Variants in HEPH observed in about 807,000 individuals in gnomAD.
HEPH encodes the protein hephaestin.
Under a neutral mutation model 80.8 loss-of-function variants are expected in HEPH, and 69 were observed. That is an observed-to-expected ratio of 0.85 (90% confidence interval 0.70 to 1.04). HEPH has a LOEUF of 1.04. Ranked by LOEUF, HEPH falls within the 50% of genes least tolerant of loss-of-function variation. HEPH has a pLI of 0.00. For synonymous variants in HEPH, 431 were observed against 322.8 expected, an observed-to-expected ratio of 1.34 and a Z score of -3.60; for missense variants, 1,115 against 891.3, an observed-to-expected ratio of 1.25 and a Z score of -3.20.
chrX:66,254,283 G>C (rs755981385), intron 15 of HEPH, among the ~76,000 whole-genome samples: 2 of 111,024 alleles, frequency 1.8e-5, no homozygotes, highest in African/African-American at 3.3e-5. Flanking sequence ...CTAAAATATA[G>C]GGTAGAGGTA....
At chrX:66,186,209 CTTG>C (rs2087421601) in intron 4 of HEPH, among the ~76,000 whole-genome samples, 3 of 99,615 alleles carry the variant, frequency 3.0e-5, no homozygotes, top group Non-Finnish European at 6.0e-5. Flanking sequence ...GGCAGGCCTC[CTTG>C]AGCTGTGGTG....
intron 15 of HEPH, among the ~76,000 whole-genome samples, chrX:66,240,017 C>T (rs1275316333): frequency 9.0e-6 from 1 of 111,260 alleles, no homozygotes; most frequent in Non-Finnish European, 1.9e-5. Context: ...ATCAAACAAA[C>T]CAGATTCTGA....
intron 15 of HEPH, among the ~76,000 whole-genome samples, chrX:66,220,159 T>C (rs953655572): frequency 9.0e-6 from 1 of 111,341 alleles, no homozygotes; most frequent in African/African-American, 3.3e-5. Context: ...TTATTGGGCT[T>C]CCTATGGCCA....
In HEPH at chrX:66,173,599, C is replaced by T. The variant is rs1419173016; in HGVS notation, c.423C>T (p.Tyr141=). The change falls in exon 4 of 21, where the codon TAC becomes TAT. Residue 141 remains tyrosine (Y), a synonymous_variant. Coordinates refer to ENST00000343002, the MANE Select transcript of HEPH (RefSeq NM_001367233.3). ...FYEKDSEGSL[Y]PDGSSGPLKA... is the part of the protein sequence containing the mutation. ...CAATTTCATTTCTAGGTTCCCTATA[C>T]CCAGATGGCTCCTCTGGGCCACTGA... is the stretch of plus-strand genomic sequence containing the variant. 2 of 1,207,639 alleles carry T rather than the reference C, an allele frequency of 1.7e-6. No individual in the cohort carries two copies. Among genetic ancestry groups the T allele is most frequent in the Non-Finnish European group, 2.2e-6 (2 of 892,276 alleles).
chrX:66,193,987 T>C lies in HEPH; in HGVS notation c.1369+349T>C, dbSNP rs758584107. On this transcript the variant is annotated intron_variant, in intron 8 of 20. Coordinates refer to ENST00000343002, the MANE Select transcript of HEPH (RefSeq NM_001367233.3). ...CTCTAGAAGTATTCCTAAAGGGCTA[T>C]ATAAGGAAGTAAGACTGTATAGGTT... Among the ~76,000 whole-genome samples the C allele has an allele frequency of 6.3e-5, 7 of 111,702 alleles. No individual in the cohort carries two copies. In the South Asian group the frequency reaches 2.2e-3, roughly 36 times the overall value.
chrX:66,221,620 T>C (rs1367768405), intron 15 of HEPH, among the ~76,000 whole-genome samples: 1 of 112,773 alleles, frequency 8.9e-6, no homozygotes, highest in African/African-American at 3.2e-5. Flanking sequence ...GGCCCCACAG[T>C]CTGGGTTAAA....
intron 15 of HEPH, among the ~76,000 whole-genome samples, chrX:66,244,499 C>G (rs1602500292): frequency 8.9e-6 from 1 of 111,963 alleles, no homozygotes; most frequent in Non-Finnish European, 1.9e-5. Flanking sequence ...TTATTCAGCT[C>G]TATCAGATTA....
At chrX:66,172,252 C>G (rs765018650) in intron 2 of HEPH, 103 bp from the exon 3 acceptor site, 1 of 791,214 alleles carries the variant, frequency 1.3e-6, no homozygotes, top group East Asian at 3.4e-5. Flanking sequence ...TTGTTTTGTC[C>G]TAAACAAAGA....
chrX:66,187,316 G>A (rs1377134754), intron 4 of HEPH, among the ~76,000 whole-genome samples: 1 of 110,734 alleles, frequency 9.0e-6, no homozygotes, highest in African/African-American at 3.3e-5. Context: ...TTTTTTTGGG[G>A]TGTTAAAGAA....
rs749176784 is a variant in HEPH at position 66,188,499 on chromosome X, G to T, written c.766G>T (p.Asp256Tyr). 8.3e-7 allele frequency: 1 copy of T among 1,210,441 alleles called. No individual in the cohort carries two copies. The highest frequency in any genetic ancestry group is 2.2e-5 in the Admixed American group (1 of 45,852). ...ATYCSDPASV[D>Y]KEDETFQESN... Reference sequence around the variant, plus strand: ...TTACTGCTCAGATCCTGCTTCAGTGGACAAAGAAGATGAGACATTTCAGGA... The same window carrying T: ...TTACTGCTCAGATCCTGCTTCAGTGTACAAAGAAGATGAGACATTTCAGGA... The change falls in exon 5 of 21, where the codon GAC (aspartate) becomes TAC (tyrosine). Residue 256 changes from aspartate to tyrosine, a missense_variant. Around this residue, in one of 3 missense-constraint regions of HEPH, gnomAD observed 391 missense variants for 343.6 expected, o/e 1.14. Transcript: ENST00000343002.
intron 18 of HEPH, 114 bp from the exon 19 acceptor site, chrX:66,259,986 A>G (rs754106398): frequency 1.2e-5 from 7 of 573,638 alleles, no homozygotes; most frequent in Non-Finnish European, 2.0e-5. Flanking sequence ...TGGTCTAGGA[A>G]CCTTGAAGTC....
At chrX:66,192,055 G>A in intron 6 of HEPH, 75 bp from the exon 7 acceptor site, 2 of 1,014,974 alleles carry the variant, frequency 2.0e-6, no homozygotes, top group Non-Finnish European at 2.7e-6. Context: ...AACACTAACA[G>A]AAGGAGGAAG....
chrX:66,243,999 C>T (rs1445583455), intron 15 of HEPH, among the ~76,000 whole-genome samples: 1 of 111,883 alleles, frequency 8.9e-6, no homozygotes, highest in Non-Finnish European at 1.9e-5. Flanking sequence ...TTTATATAGG[C>T]CCCCAGTCTC....
At chrX:66,210,924 A>G (rs748360199) in intron 15 of HEPH, among the ~76,000 whole-genome samples, 124 of 111,221 alleles carry the variant, frequency 1.1e-3, no homozygotes, top group African/African-American at 4.0e-3. Context: ...TAGAGTGGGG[A>G]GATGTTGACT....
rs758155571 is a variant in HEPH, at chrX:66,266,795, A to G, written c.*123A>G. On this transcript the variant is annotated 3_prime_UTR_variant, in exon 21 of 21. Coordinates refer to ENST00000343002, the MANE Select transcript of HEPH (RefSeq NM_001367233.3). ...TGGTGGAGAAGCAGAAGGAGCAATCAAGCTTATCTGGATATTTCTTTCTTT... is the reference window on the plus strand; with the variant it reads ...TGGTGGAGAAGCAGAAGGAGCAATCGAGCTTATCTGGATATTTCTTTCTTT... 4.2e-5 allele frequency: 19 copies of G among 447,978 alleles called. No individual in the cohort carries two copies. The South Asian group carries it at 6.7e-4, about 16-fold the overall frequency. 36.9% of individuals were successfully genotyped at this position (447,978 alleles called of 1,213,427 possible). A position where few individuals can be genotyped will look rare whatever the true frequency, so the allele number is the denominator to read the frequency against.
At chrX:66,222,246 G>T (rs946360705) in intron 15 of HEPH, among the ~76,000 whole-genome samples, 3 of 112,790 alleles carry the variant, frequency 2.7e-5, no homozygotes, top group Admixed American at 1.9e-4. Context: ...GGGCTGACCC[G>T]CAGGGTGCCA....
intron 15 of HEPH, among the ~76,000 whole-genome samples, chrX:66,244,539 C>T (rs867473903): frequency 9.0e-6 from 1 of 111,354 alleles, no homozygotes; most frequent in Non-Finnish European, 1.9e-5. Context: ...TGCCTATTTT[C>T]TTTTATCTCC....
intron 5 of HEPH, 129 bp from the exon 6 acceptor site, chrX:66,189,555 A>G: frequency 1.5e-6 from 1 of 673,075 alleles, no homozygotes; most frequent in Non-Finnish European, 2.2e-6. Context: ...AGAAGATAAT[A>G]CATAGGTCAA....
chrX:66,202,991 T>A lies in HEPH; in HGVS notation c.2078-373T>A, dbSNP rs902940641. 1.9e-4 allele frequency among the ~76,000 whole-genome samples: 19 copies of A among 101,886 alleles called. 1 individual carries two copies. Among genetic ancestry groups the A allele is most frequent in the African/African-American group, 6.9e-4 (19 of 27,691 alleles). 88.5% of individuals were successfully genotyped at this position (101,886 alleles called of 115,157 possible). On this transcript the variant is annotated intron_variant, in intron 12 of 20. Coordinates refer to ENST00000343002, the MANE Select transcript of HEPH (RefSeq NM_001367233.3). The stretch of plus-strand genomic sequence containing the variant: ...TTTTATATATGTATATATATATGAT[T>A]TATATATAATAAATGAAAGATAGGG...
Sources: allele counts gnomAD v4.1 joint callset (sites outside exome capture counted in the v4.1 genomes callset), GRCh38; gene constraint gnomAD v4.1.1; regional missense constraint gnomAD v4.1.1; transcripts MANE v1.5; gene names NCBI Gene and HGNC (gene_info 2026-07-23, HGNC 2026-07-21).